Variants in RIT2 observed in about 807,000 individuals in gnomAD.
RIT2 encodes the protein Ras like without CAAX 2.
RIT2 carries 24 observed loss-of-function variants against 23.7 expected under a neutral mutation model. The observed-to-expected ratio is 1.01, with a 90% confidence interval of 0.73 to 1.43. The LOEUF is 1.43. RIT2 is among the 40% of genes most tolerant of loss of function. The pLI is 0.00. For missense variants in RIT2, 236 were observed against 266.9 expected (o/e 0.88, Z 0.81); for synonymous variants, 107 against 91.1 (o/e 1.17, Z -0.99).
chr18:42,773,786 T>C (rs1292150957), intron 4 of RIT2, among the ~76,000 whole-genome samples: 5 of 152,154 alleles, frequency 3.3e-5, no homozygotes, highest in Non-Finnish European at 7.4e-5. Flanking sequence ...CCTCAGGAGA[T>C]AATAATTGAT....
At chr18:42,884,786 G>A (rs182365033) in intron 4 of RIT2, among the ~76,000 whole-genome samples, 45 of 152,324 alleles carry the variant, frequency 3.0e-4, no homozygotes, top group Admixed American at 9.1e-4. Context: ...AAAACTTACA[G>A]GGAGTGATTC....
intron 4 of RIT2, among the ~76,000 whole-genome samples, chr18:42,919,902 A>T (rs1277250162): frequency 6.6e-6 from 1 of 152,132 alleles, no homozygotes; most frequent in African/African-American, 2.4e-5. Flanking sequence ...ATGAATAGGG[A>T]CAAAGACCTT....
At chr18:42,947,209 G>A (rs1909748614) in intron 3 of RIT2, among the ~76,000 whole-genome samples, 2 of 152,072 alleles carry the variant, frequency 1.3e-5, no homozygotes, top group South Asian at 4.1e-4. Flanking sequence ...GGAAAGAGAA[G>A]GATGTTGGAA....
At chr18:43,015,180 T>C (rs1209296553) in intron 2 of RIT2, among the ~76,000 whole-genome samples, 1 of 151,678 alleles carries the variant, frequency 6.6e-6, no homozygotes, top group Non-Finnish European at 1.5e-5. Context: ...AATAAAATAT[T>C]GAGCTATAGC....
At chr18:42,966,818 A>T (rs1265958014) in intron 3 of RIT2, among the ~76,000 whole-genome samples, 4 of 150,228 alleles carry the variant, frequency 2.7e-5, no homozygotes, top group Non-Finnish European at 5.9e-5. Flanking sequence ...AGATAGACAC[A>T]TATAGACATA....
At chr18:42,878,410 G>A (rs941464795) in intron 4 of RIT2, among the ~76,000 whole-genome samples, 1 of 151,790 alleles carries the variant, frequency 6.6e-6, no homozygotes, top group African/African-American at 2.4e-5. Flanking sequence ...CATCACAAAG[G>A]TCTTCATCTC....
chr18:42,812,070 C>A (rs1302651408), intron 4 of RIT2, among the ~76,000 whole-genome samples: 1 of 152,110 alleles, frequency 6.6e-6, no homozygotes, highest in East Asian at 1.9e-4. Flanking sequence ...ATAGAAGCAA[C>A]TTTTCATAGT....
intron 2 of RIT2, among the ~76,000 whole-genome samples, chr18:43,007,897 A>T (rs954370009): frequency 6.6e-6 from 1 of 151,746 alleles, no homozygotes; most frequent in Admixed American, 6.6e-5. Flanking sequence ...AAACATTCCA[A>T]AAACTAAGAA....
At chr18:42,853,027 T>C (rs1404564788) in intron 4 of RIT2, among the ~76,000 whole-genome samples, 1 of 152,038 alleles carries the variant, frequency 6.6e-6, no homozygotes, top group Non-Finnish European at 1.5e-5. Flanking sequence ...AGAGACGGGG[T>C]TTCACCATGT....
chr18:42,942,679 T>C (rs1179456730), intron 3 of RIT2, among the ~76,000 whole-genome samples: 1 of 152,112 alleles, frequency 6.6e-6, no homozygotes, highest in Non-Finnish European at 1.5e-5. Context: ...AATAGCTCTA[T>C]CCTGAGTAAG....
At chr18:42,917,832 TC>T (rs541688208) in intron 4 of RIT2, among the ~76,000 whole-genome samples, 26 of 152,138 alleles carry the variant, frequency 1.7e-4, no homozygotes, top group African/African-American at 6.0e-4. Flanking sequence ...ACCCAAATCC[TC>T]CCCACACTCC....
At chr18:43,083,018 C>A (rs1023953249) in intron 1 of RIT2, among the ~76,000 whole-genome samples, 4 of 152,124 alleles carry the variant, frequency 2.6e-5, no homozygotes, top group Non-Finnish European at 5.9e-5. Flanking sequence ...AGCTGATAAG[C>A]AACTTCAGCA....
chr18:43,014,505 T>C (rs1298222413), intron 2 of RIT2, among the ~76,000 whole-genome samples: 2 of 151,726 alleles, frequency 1.3e-5, no homozygotes, highest in African/African-American at 4.8e-5. Flanking sequence ...TGTGAACATA[T>C]GATCATATCT....
intron 4 of RIT2, among the ~76,000 whole-genome samples, chr18:42,845,230 G>T (rs1426836145): frequency 1.3e-5 from 2 of 151,916 alleles, no homozygotes; most frequent in Admixed American, 1.3e-4. Flanking sequence ...AACAAATGAG[G>T]AAACTCAATG....
At chr18:42,969,449 CT>C (rs1320514375) in intron 3 of RIT2, among the ~76,000 whole-genome samples, 13 of 152,042 alleles carry the variant, frequency 8.6e-5, no homozygotes, top group African/African-American at 3.1e-4. Context: ...GGCTTTATAT[CT>C]GGAAGACACT....
At chr18:42,994,609 A>AT (rs1345358633) in intron 2 of RIT2, among the ~76,000 whole-genome samples, 2 of 151,972 alleles carry the variant, frequency 1.3e-5, no homozygotes, top group African/African-American at 4.8e-5. Context: ...AACCCTTTTC[A>AT]TTACACACAG....
At chr18:42,934,466 T>C (rs1490442360) in intron 3 of RIT2, among the ~76,000 whole-genome samples, 1 of 152,188 alleles carries the variant, frequency 6.6e-6, no homozygotes, top group Non-Finnish European at 1.5e-5. Flanking sequence ...AATGATGAGA[T>C]AATGAGGATA....
At chr18:42,868,026 CA>C (rs1907518757) in intron 4 of RIT2, among the ~76,000 whole-genome samples, 1 of 152,096 alleles carries the variant, frequency 6.6e-6, no homozygotes. Flanking sequence ...ACAGGTAAGT[CA>C]AATCAGTAAG....
chr18:43,079,618 A>T (rs534886193), intron 1 of RIT2, among the ~76,000 whole-genome samples: 2 of 152,228 alleles, frequency 1.3e-5, no homozygotes, highest in Admixed American at 1.3e-4. Flanking sequence ...AACCTGACTT[A>T]TGACAGAGGA....
Sources: allele counts gnomAD v4.1 joint callset (sites outside exome capture counted in the v4.1 genomes callset), GRCh38; gene constraint gnomAD v4.1.1; transcripts MANE v1.5; gene names NCBI Gene and HGNC (gene_info 2026-07-23, HGNC 2026-07-21).